HYPK: variants seen among roughly 807,000 people sequenced by gnomAD.
The protein encoded by HYPK is huntingtin-interacting protein K.
Under a neutral mutation model 13.9 loss-of-function variants are expected in HYPK, and 9 were observed. The observed-to-expected ratio is 0.65, with a 90% CI of 0.39 to 1.13. The LOEUF (loss-of-function observed/expected upper bound fraction) is 1.13. Ranked by LOEUF, HYPK falls within the 50% of genes most tolerant of loss-of-function variation. The pLI is 0.01. For missense variants in HYPK, 138 were observed against 157.6 expected, an observed-to-expected ratio of 0.88 and a Z score of 0.67; for synonymous variants, 76 against 57.0, an observed-to-expected ratio of 1.33 and a Z score of -1.50.
At chr15:43,800,447 A>C (rs758995698), upstream of HYPK, 19 of 867,160 alleles carry the variant, frequency 2.2e-5, no homozygotes, top group Non-Finnish European at 3.4e-5. Flanking sequence ...AAAACACTGT[A>C]CAAACCCGAA....
At chr15:43,800,441 C>T (rs1257838794), upstream of HYPK, 1 of 824,694 alleles carries the variant, frequency 1.2e-6, no homozygotes, top group South Asian at 1.5e-5. Flanking sequence ...TCGCACAAAA[C>T]ACTGTACAAA....
Position 43,803,788 on chromosome 15 carries a change from C to CAA in HYPK, c.*2001_*2002dup, listed in dbSNP as rs35814039. ...GGGCAACAAGAGTGAAACTCCATCT[C>CAA]AAAAAAAAAAAAAAAAAAAATCAGC... On this transcript the variant is annotated 3_prime_UTR_variant, in exon 4 of 4. Transcript: ENST00000442995. 2.0e-5 allele frequency among the ~76,000 whole-genome samples: 2 copies of CAA among 102,378 alleles called. No homozygotes were observed. Among genetic ancestry groups the CAA allele is most frequent in the Non-Finnish European group, 2.0e-5 (1 of 50,042 alleles). 67.2% of individuals were successfully genotyped at this position (102,378 alleles called of 152,430 possible). A position where few individuals can be genotyped will look rare whatever the true frequency, so the allele number is the denominator to read the frequency against.
chr15:43,801,797 A>G lies in HYPK; in HGVS notation c.357A>G (p.Leu119=), dbSNP rs1384786408. Residue 119 remains leucine, a synonymous_variant, in exon 4 of 4, where the codon CTA becomes CTG. Coordinates refer to ENST00000442995, the MANE Select transcript of HYPK (RefSeq NM_016400.4). The part of the protein sequence containing the change: ...MGNVVEALIA[L]TN ...ACGTGGTAGAGGCGCTTATTGCCCT[A>G]ACCAACTGATGCGTGCTTTCTCAAA... 1 of 1,613,956 alleles carries G rather than the reference A, an allele frequency of 6.2e-7. No individual in the cohort carries two copies. Among genetic ancestry groups the G allele is most frequent in the Non-Finnish European group, 8.5e-7 (1 of 1,179,902 alleles).
At position 43,802,688 on chromosome 15, in the gene HYPK, A is replaced by G. The variant is rs1043314298; in HGVS notation, c.*882A>G. On this transcript the variant is annotated 3_prime_UTR_variant, in exon 4 of 4. Transcript: ENST00000442995. ...GGAGTTGAAGACAAGCCTGGCCAAC[A>G]TGGTGAAACCCTGTCTCTACTAAAA... 6.6e-6 allele frequency: 1 copy of G among 152,082 alleles called. No individual in the cohort carries two copies. The highest frequency in any genetic ancestry group is 2.4e-5 in the African/African-American group (1 of 41,338). The allele number at this position is 152,082 out of a possible 1,614,324, so 9.4% of individuals were successfully genotyped here.
chr15:43,801,585 T>C lies in HYPK; in HGVS notation c.270+16T>C. 1 of 1,612,696 alleles carries C rather than the reference T, an allele frequency of 6.2e-7. No homozygotes were observed. Among genetic ancestry groups the C allele is most frequent in the Non-Finnish European group, 8.5e-7 (1 of 1,178,680 alleles). ...GGAGCTAATAGTGAGTGGTAGTGCC[T>C]AACTAGTGTATGCGGAGGGGAGGCT... On this transcript the variant is annotated intron_variant, in intron 3 of 3. Coordinates refer to ENST00000442995, the MANE Select transcript of HYPK (RefSeq NM_016400.4).
rs909031170 is a variant in HYPK at position 43,803,646 on chromosome 15, T to G, written c.*1840T>G. Among the ~76,000 whole-genome samples, 1 of 151,678 alleles carries G rather than the reference T, an allele frequency of 6.6e-6. No homozygotes were observed. The highest frequency in any genetic ancestry group is 1.5e-5 in the Non-Finnish European group (1 of 67,952). The stretch of plus-strand genomic sequence containing the variant: ...CTCTACTAAAAGTACAAAAAAAAAT[T>G]AGCTGGGTGTGGTGGTGGACGCCTG... On this transcript the variant is annotated 3_prime_UTR_variant, in exon 4 of 4. Coordinates refer to ENST00000442995, the MANE Select transcript of HYPK (RefSeq NM_016400.4).
intron 2 of HYPK, 68 bp downstream of exon 2, chr15:43,801,255 C>G: frequency 7.5e-7 from 1 of 1,325,650 alleles, no homozygotes; most frequent in Admixed American, 1.7e-5. Flanking sequence ...AAATAAAAAC[C>G]ATTATTAAGC....
rs529160213 is a variant in HYPK, at chr15:43,803,258, G to A, written c.*1452G>A. ...AAAAAAAAAAAAAGCCAGGCATGGTGGCATGTGCCTGTCTGTGGTCCCAGA... is the reference window on the plus strand; with the variant it reads ...AAAAAAAAAAAAAGCCAGGCATGGTAGCATGTGCCTGTCTGTGGTCCCAGA... On this transcript the variant is annotated 3_prime_UTR_variant, in exon 4 of 4. Coordinates refer to ENST00000442995, the MANE Select transcript of HYPK (RefSeq NM_016400.4). 6.6e-5 allele frequency among the ~76,000 whole-genome samples: 10 copies of A among 151,978 alleles called. No individual in the cohort carries two copies. The highest frequency in any genetic ancestry group is 2.2e-4 in the African/African-American group (9 of 41,464).
upstream of HYPK, chr15:43,800,597 T>C (rs1223844885): frequency 2.5e-6 from 4 of 1,613,570 alleles, no homozygotes; most frequent in Admixed American, 6.7e-5. Flanking sequence ...GAGGTGGGGC[T>C]TATGCGGCGG....
chr15:43,800,923 G>A (rs762392808), intron 1 of HYPK, 139 bp downstream of exon 1: 6 of 966,300 alleles, frequency 6.2e-6, no homozygotes, highest in Non-Finnish European at 9.1e-6. Flanking sequence ...GAGGGAAACA[G>A]CGGTCACCGG....
At position 43,803,792 on chromosome 15, in the gene HYPK, A is replaced by G. The variant is rs949193226; in HGVS notation, c.*1986A>G. ...AACAAGAGTGAAACTCCATCTCAAA[A>G]AAAAAAAAAAAAAAAATCAGCTTGG... On this transcript the variant is annotated 3_prime_UTR_variant, in exon 4 of 4. Coordinates refer to ENST00000442995, the MANE Select transcript of HYPK (RefSeq NM_016400.4). Among the ~76,000 whole-genome samples the G allele has an allele frequency of 6.6e-5, 10 of 150,448 alleles. No individual in the cohort carries two copies. Among genetic ancestry groups the G allele is most frequent in the African/African-American group, 2.0e-4 (8 of 40,900 alleles).
intron 1 of HYPK, 139 bp downstream of exon 1, chr15:43,800,923 G>T (rs762392808): frequency 2.1e-6 from 2 of 966,300 alleles, no homozygotes; most frequent in Admixed American, 5.3e-5. Context: ...GAGGGAAACA[G>T]CGGTCACCGG....
At position 43,803,465 on chromosome 15, in the gene HYPK, C is replaced by G. The variant is rs770975220; in HGVS notation, c.*1659C>G. Among the ~76,000 whole-genome samples the G allele has an allele frequency of 2.6e-5, 4 of 152,062 alleles. No individual in the cohort carries two copies. Among genetic ancestry groups the G allele is most frequent in the Non-Finnish European group, 4.4e-5 (3 of 68,014 alleles). ...CCATAATACATTCTACATGCCATTT[C>G]CTATCCTAGAGAGAAGGTAATTTTA... On this transcript the variant is annotated 3_prime_UTR_variant, in exon 4 of 4. Transcript: ENST00000442995.
chr15:43,801,023 G>C, intron 1 of HYPK, 109 bp from the exon 2 acceptor site: 1 of 1,017,168 alleles, frequency 9.8e-7, no homozygotes, highest in Non-Finnish European at 1.6e-6. Flanking sequence ...TTGCTACCTG[G>C]TAACACTTGT....
Position 43,801,733 on chromosome 15 carries a change from G to A in HYPK, c.293G>A (p.Arg98Gln), listed in dbSNP as rs1240060349. Residue 98 changes from arginine (R) to glutamine (Q), a missense_variant, in exon 4 of 4, where the codon CGA (arginine) becomes CAA (glutamine). This residue lies in a region of HYPK where 91 missense variants were observed against 96.8 expected (regional missense o/e 0.94). Coordinates refer to ENST00000442995, the MANE Select transcript of HYPK (RefSeq NM_016400.4). ...ELIMTEMEIS[R>Q]AAAERSLREH... is the part of the protein sequence containing the mutation. The stretch of plus-strand genomic sequence containing the variant: ...CAGATGACTGAGATGGAGATATCTC[G>A]AGCAGCAGCAGAACGCAGTTTGCGG... The A allele has an allele frequency of 2.5e-6, 4 of 1,614,194 alleles. No individual in the cohort carries two copies. Among genetic ancestry groups the A allele is most frequent in the Non-Finnish European group, 3.4e-6 (4 of 1,180,028 alleles).
Position 43,803,447 on chromosome 15 carries a change from A to G in HYPK, c.*1641A>G, listed in dbSNP as rs1205805919. ...TGGTATTCAAATTCTAAGCCATAAT[A>G]CATTCTACATGCCATTTCCTATCCT... On this transcript the variant is annotated 3_prime_UTR_variant, in exon 4 of 4. Transcript: ENST00000442995. Among the ~76,000 whole-genome samples the G allele has an allele frequency of 6.6e-6, 1 of 152,096 alleles. No individual in the cohort carries two copies. The highest frequency in any genetic ancestry group is 1.5e-5 in the Non-Finnish European group (1 of 68,034).
intron 3 of HYPK, 39 bp downstream of exon 3, chr15:43,801,608 G>T: frequency 6.2e-7 from 1 of 1,607,168 alleles, no homozygotes; most frequent in Non-Finnish European, 8.5e-7. Context: ...CGGAGGGGAG[G>T]CTATTCTGCT....
In HYPK at chr15:43,802,381, A is replaced by G. The variant is rs1474727664; in HGVS notation, c.*575A>G. On this transcript the variant is annotated 3_prime_UTR_variant, in exon 4 of 4. Coordinates refer to ENST00000442995, the MANE Select transcript of HYPK (RefSeq NM_016400.4). ...GGAATTCAAGACCAGCCTGGCCAAC[A>G]TGTGAAACCCCGTCTCCACTGAAAA... is the stretch of plus-strand genomic sequence containing the variant. The G allele has an allele frequency of 6.6e-6, 1 of 152,476 alleles. No individual in the cohort carries two copies. Among genetic ancestry groups the G allele is most frequent in the African/African-American group, 2.4e-5 (1 of 41,338 alleles). The allele number at this position is 152,476 out of a possible 1,614,324, so 9.4% of individuals were successfully genotyped here.
At chr15:43,800,538 C>T, upstream of HYPK, 7 of 1,573,478 alleles carry the variant, frequency 4.4e-6, no homozygotes, top group Non-Finnish European at 6.1e-6. Flanking sequence ...CAGGGCCAGC[C>T]CCGCCTCCTC....
Sources: allele counts gnomAD v4.1 joint callset (sites outside exome capture counted in the v4.1 genomes callset), GRCh38; gene constraint gnomAD v4.1.1; regional missense constraint gnomAD v4.1.1; transcripts MANE v1.5; gene names NCBI Gene and HGNC (gene_info 2026-07-23, HGNC 2026-07-21).